THSD7B: variants seen among roughly 807,000 people sequenced by gnomAD.
THSD7B encodes thrombospondin type-1 domain-containing protein 7B.
THSD7B carries 138 observed loss-of-function variants against 213.6 expected under a neutral mutation model. The observed-to-expected ratio is 0.65, with a 90% confidence interval of 0.56 to 0.74. The LOEUF is 0.74. THSD7B is among the 30% of genes least tolerant of loss of function. The pLI is 0.00. For synonymous variants in THSD7B, 742 were observed against 687.0 expected, an observed-to-expected ratio of 1.08 and a Z score of -1.25; for missense variants, 1,931 against 1,991.5, an observed-to-expected ratio of 0.97 and a Z score of 0.58.
intron 12 of THSD7B, among the ~76,000 whole-genome samples, chr2:137,365,310 C>A (rs1175401860): frequency 2.6e-5 from 4 of 152,172 alleles, no homozygotes; most frequent in Non-Finnish European, 4.4e-5. Flanking sequence ...CTAGGCAATG[C>A]CATTTAGGAC....
rs1553459024 is a variant in THSD7B at position 137,546,466 on chromosome 2, A to AT, written c.3139-16754dup. Among the ~76,000 whole-genome samples, 114 of 22,658 alleles carry AT rather than the reference A, an allele frequency of 5.0e-3. 7 individuals carry two copies. The highest frequency in any genetic ancestry group is 0.012 in the African/African-American group (32 of 2,740). 14.9% of individuals were successfully genotyped at this position (22,658 alleles called of 152,430 possible). On this transcript the variant is annotated intron_variant, in intron 15 of 27. Transcript: ENST00000409968. ...ATATTATATATATATTATATATAAT[A>AT]TATATATATATAATATATATATATA...
At chr2:136,804,403 A>AACACACACACAC (rs3030361) in intron 1 of THSD7B, among the ~76,000 whole-genome samples, 394 of 148,184 alleles carry the variant, frequency 2.7e-3, no homozygotes, top group African/African-American at 8.6e-3. Flanking sequence ...ACACACACAT[A>AACACACACACAC]ACACACACAC....
intron 21 of THSD7B, among the ~76,000 whole-genome samples, chr2:137,646,658 A>G (rs1418007836): frequency 7.0e-6 from 1 of 141,924 alleles, no homozygotes; most frequent in East Asian, 2.0e-4. Context: ...TCTTAATAAT[A>G]ATAATAATAA....
rs116791334 is a variant in THSD7B, at chr2:136,767,300, A to G, written c.-36+1613A>G. Among the ~76,000 whole-genome samples, 526 of 152,280 alleles carry G rather than the reference A, an allele frequency of 3.5e-3. 3 individuals are homozygous for G. Among genetic ancestry groups the G allele is most frequent in the African/African-American group, 0.012 (502 of 41,550 alleles). On this transcript the variant is annotated intron_variant, in intron 1 of 27. Coordinates refer to ENST00000409968, the MANE Select transcript of THSD7B (RefSeq NM_001316349.2). ...AGCTGTTTATAAAGTTTCTGTCTTGAGGCTTCACTTTGACAGACTGCTGTT... is the reference window on the plus strand; with the variant it reads ...AGCTGTTTATAAAGTTTCTGTCTTGGGGCTTCACTTTGACAGACTGCTGTT...
intron 4 of THSD7B, among the ~76,000 whole-genome samples, chr2:137,114,850 C>A (rs1449463598): frequency 6.6e-6 from 1 of 152,196 alleles, no homozygotes; most frequent in African/African-American, 2.4e-5. Context: ...TCTCTTCCAG[C>A]TTCAAGGCTG....
chr2:137,400,860 G>T (rs1686339146), intron 12 of THSD7B, among the ~76,000 whole-genome samples: 1 of 151,958 alleles, frequency 6.6e-6, no homozygotes, highest in African/African-American at 2.4e-5. Context: ...TGGAGCAGGG[G>T]AAGAAGGTAG....
At chr2:136,779,165 T>C (rs945884340) in intron 1 of THSD7B, among the ~76,000 whole-genome samples, 6 of 151,350 alleles carry the variant, frequency 4.0e-5, no homozygotes, top group Admixed American at 2.6e-4. Context: ...TTATCCCTTT[T>C]TGGGGACACG....
At chr2:137,217,011 C>A (rs576469933) in intron 7 of THSD7B, among the ~76,000 whole-genome samples, 1 of 152,124 alleles carries the variant, frequency 6.6e-6, no homozygotes, top group Non-Finnish European at 1.5e-5. Context: ...CTTTTTCTTA[C>A]CTAAATGAGA....
At chr2:137,649,262 T>A (rs1435347730) in intron 21 of THSD7B, among the ~76,000 whole-genome samples, 3 of 152,136 alleles carry the variant, frequency 2.0e-5, no homozygotes, top group African/African-American at 7.2e-5. Context: ...TGCAGAAGCT[T>A]TTTAGCCTGT....
chr2:137,403,275 TA>T (rs201193545), intron 12 of THSD7B, among the ~76,000 whole-genome samples: 94 of 150,836 alleles, frequency 6.2e-4, no homozygotes, highest in African/African-American at 2.1e-3. Context: ...TCACCAGTTC[TA>T]AAAAAAAATA....
At chr2:137,531,608 C>T (rs1425146409) in intron 15 of THSD7B, among the ~76,000 whole-genome samples, 2 of 151,820 alleles carry the variant, frequency 1.3e-5, no homozygotes, top group Non-Finnish European at 2.9e-5. Flanking sequence ...GGGTAATTAA[C>T]CAAGGGCTCC....
chr2:137,545,646 A>G (rs977571401), intron 15 of THSD7B, among the ~76,000 whole-genome samples: 4 of 151,936 alleles, frequency 2.6e-5, no homozygotes, highest in African/African-American at 9.7e-5. Context: ...CTTCCTGCTA[A>G]GGAGTCATAT....
chr2:137,043,696 T>C (rs1439528158), intron 2 of THSD7B, among the ~76,000 whole-genome samples: 3 of 152,146 alleles, frequency 2.0e-5, no homozygotes, highest in East Asian at 3.9e-4. Flanking sequence ...AGAGGCTTGT[T>C]GGACTGTGTT....
intron 10 of THSD7B, among the ~76,000 whole-genome samples, chr2:137,243,334 C>A (rs1290638818): frequency 6.6e-6 from 1 of 152,198 alleles, no homozygotes; most frequent in Non-Finnish European, 1.5e-5. Context: ...GTCTCATACA[C>A]TAGCCTTGGC....
intron 7 of THSD7B, among the ~76,000 whole-genome samples, chr2:137,208,004 C>CT: frequency 6.6e-6 from 1 of 152,022 alleles, no homozygotes; most frequent in East Asian, 1.9e-4. Flanking sequence ...TGCTATTTCT[C>CT]ACGGCCCAAT....
At chr2:137,597,201 A>G (rs1681978523) in intron 17 of THSD7B, among the ~76,000 whole-genome samples, 2 of 152,208 alleles carry the variant, frequency 1.3e-5, no homozygotes, top group South Asian at 4.1e-4. Context: ...GCTGGATACA[A>G]TCTTTGTTGT....
chr2:136,843,188 T>C (rs1261070844), intron 1 of THSD7B, among the ~76,000 whole-genome samples: 4 of 151,918 alleles, frequency 2.6e-5, no homozygotes, highest in African/African-American at 9.7e-5. Flanking sequence ...TTTATACTTC[T>C]ATTGTCGAGG....
chr2:136,981,288 A>G (rs1558875476), intron 2 of THSD7B, among the ~76,000 whole-genome samples: 1 of 152,106 alleles, frequency 6.6e-6, no homozygotes, highest in Admixed American at 6.5e-5. Flanking sequence ...CTCTAGTTTT[A>G]TCCACCCAGT....
intron 7 of THSD7B, among the ~76,000 whole-genome samples, chr2:137,201,318 G>T (rs1017504353): frequency 6.9e-4 from 105 of 152,202 alleles, no homozygotes; most frequent in African/African-American, 2.4e-3. Flanking sequence ...ATTATCTGTT[G>T]CTCCATTGGT....
Sources: allele counts gnomAD v4.1 joint callset (sites outside exome capture counted in the v4.1 genomes callset), GRCh38; gene constraint gnomAD v4.1.1; transcripts MANE v1.5; gene names NCBI Gene and HGNC (gene_info 2026-07-23, HGNC 2026-07-21).